The following VAC14 variants were observed in gnomAD, a reference collection of about 807,000 sequenced individuals.
VAC14 encodes the protein VAC14 component of PIKFYVE complex, also known as protein VAC14 homolog.
A neutral mutation model predicts 85.3 loss-of-function variants in VAC14; 47 were observed. The ratio of observed to expected loss-of-function variants is 0.55; its 90% CI spans 0.44 to 0.70. The LOEUF is 0.70. VAC14 is among the 30% of genes least tolerant of loss of function. The pLI is 0.00. For missense variants in VAC14, 861 were observed against 1,004.3 expected (o/e 0.86, Z 1.93); for synonymous variants, 447 against 430.5 (o/e 1.04, Z -0.47).
chr16:70,725,317 G>A (rs1015426601), intron 14 of VAC14, among the ~76,000 whole-genome samples: 3 of 152,220 alleles, frequency 2.0e-5, no homozygotes, highest in African/African-American at 4.8e-5. Context: ...TGGTGCAGAC[G>A]GCCGGTGGCC....
At chr16:70,733,681 C>T (rs2054662742) in intron 13 of VAC14, among the ~76,000 whole-genome samples, 3 of 151,934 alleles carry the variant, frequency 2.0e-5, no homozygotes, top group Admixed American at 2.0e-4. Context: ...GCCTGCTGCC[C>T]CTTTGCCTTC....
chr16:70,764,319 G>A (rs2032639816), intron 10 of VAC14, among the ~76,000 whole-genome samples: 1 of 152,224 alleles, frequency 6.6e-6, no homozygotes, highest in Non-Finnish European at 1.5e-5. Flanking sequence ...CAGCCACAGA[G>A]CCTGGAACTG....
Position 70,786,377 on chromosome 16 carries a change from GGA to G in VAC14, c.105-14_105-13del, listed in dbSNP as rs1352385896. The G allele has an allele frequency of 6.2e-7, 1 of 1,611,878 alleles. No homozygotes were observed. Among genetic ancestry groups the G allele is most frequent in the South Asian group, 1.1e-5 (1 of 91,020 alleles). ...ACTCCCGGACCAGCCTGGAGAGAGA[GGA>G]GAGAGGGGCTGTGGGAATCAGGCTA... On this transcript the variant is annotated splice_polypyrimidine_tract_variant and intron_variant, in intron 1 of 18. Coordinates refer to ENST00000261776, the MANE Select transcript of VAC14 (RefSeq NM_018052.5).
At position 70,768,869 on chromosome 16, in the gene VAC14, C is replaced by T. The variant is rs773470019; in HGVS notation, c.1160+3240G>A. On this transcript the variant is annotated intron_variant, in intron 10 of 18. Transcript: ENST00000261776. ...AGGCTAGAGTGCAGTGGCGCGATCTCGGCTCACTGAAACCTCCGCCTCCCA... is the reference window on the plus strand; with the variant it reads ...AGGCTAGAGTGCAGTGGCGCGATCTTGGCTCACTGAAACCTCCGCCTCCCA... 5.8e-5 allele frequency: 26 copies of T among 451,126 alleles called. 1 individual carries two copies. The highest frequency in any genetic ancestry group is 2.2e-4 in the South Asian group (14 of 64,232). 27.9% of individuals were successfully genotyped at this position (451,126 alleles called of 1,614,324 possible).
At chr16:70,780,433 G>A (rs1200989639) in intron 9 of VAC14, among the ~76,000 whole-genome samples, 1 of 151,976 alleles carries the variant, frequency 6.6e-6, no homozygotes, top group Non-Finnish European at 1.5e-5. Flanking sequence ...AAACCTTCCT[G>A]CCCTGAAAAC....
intron 14 of VAC14, among the ~76,000 whole-genome samples, chr16:70,710,788 T>G (rs2054017196): frequency 6.6e-6 from 1 of 152,242 alleles, no homozygotes; most frequent in Non-Finnish European, 1.5e-5. Context: ...CCAGTGTTCA[T>G]ATGGCCATAG....
intron 14 of VAC14, among the ~76,000 whole-genome samples, chr16:70,709,660 G>C (rs1233240893): frequency 6.6e-6 from 1 of 152,240 alleles, no homozygotes; most frequent in Admixed American, 6.5e-5. Flanking sequence ...ACCCAGCGGA[G>C]AAAGTCCACG....
intron 14 of VAC14, among the ~76,000 whole-genome samples, chr16:70,722,889 G>C (rs902565428): frequency 2.0e-5 from 3 of 152,068 alleles, no homozygotes; most frequent in Non-Finnish European, 4.4e-5. Context: ...AGACCAGCCT[G>C]GGCAACATAG....
chr16:70,745,394 T>C (rs1365731710), intron 12 of VAC14, among the ~76,000 whole-genome samples: 1 of 151,970 alleles, frequency 6.6e-6, no homozygotes, highest in African/African-American at 2.4e-5. Context: ...CACCAAGAGC[T>C]GGCAGGGCGG....
At position 70,784,099 on chromosome 16, in the gene VAC14, C is replaced by T. The variant is rs374543795; in HGVS notation, c.594+14G>A. On this transcript the variant is annotated intron_variant, in intron 5 of 18. Coordinates refer to ENST00000261776, the MANE Select transcript of VAC14 (RefSeq NM_018052.5). ...AACTGGAGGCTGGAGAAACGGTGTC[C>T]GGCCAGGCCTTACCCAGGAGATGAT... The T allele has an allele frequency of 7.9e-5, 127 of 1,610,204 alleles. No homozygotes were observed. Among genetic ancestry groups the T allele is most frequent in the Admixed American group, 8.3e-5 (5 of 59,982 alleles).
chr16:70,710,123 G>A (rs1162883395), intron 14 of VAC14, among the ~76,000 whole-genome samples: 1 of 152,240 alleles, frequency 6.6e-6, no homozygotes, highest in African/African-American at 2.4e-5. Flanking sequence ...GGGACAGGAA[G>A]GAACTGAAGC....
intron 12 of VAC14, among the ~76,000 whole-genome samples, chr16:70,750,868 C>T (rs866760272): frequency 5.9e-5 from 9 of 152,074 alleles, no homozygotes; most frequent in African/African-American, 1.7e-4. Context: ...CAGGGTGCCG[C>T]GGCAGCTCCT....
At chr16:70,798,962 T>C (rs928124317) in intron 1 of VAC14, among the ~76,000 whole-genome samples, 8 of 152,244 alleles carry the variant, frequency 5.3e-5, no homozygotes, top group African/African-American at 1.9e-4. Flanking sequence ...AAGGCACTGC[T>C]GAGTTTCTCT....
At chr16:70,726,302 G>GGCCGC (rs1241472993) in intron 14 of VAC14, among the ~76,000 whole-genome samples, 1 of 152,254 alleles carries the variant, frequency 6.6e-6, no homozygotes, top group Admixed American at 6.5e-5. Context: ...AGCCGGGCCG[G>GGCCGC]GCCGCTGGTG....
At chr16:70,711,519 C>T (rs560643571) in intron 14 of VAC14, among the ~76,000 whole-genome samples, 8 of 152,168 alleles carry the variant, frequency 5.3e-5, no homozygotes, top group African/African-American at 1.9e-4. Context: ...CTGCTGTGCA[C>T]AGCCCTGGCC....
chr16:70,791,322 T>A (rs1369438630), intron 1 of VAC14, among the ~76,000 whole-genome samples: 1 of 152,240 alleles, frequency 6.6e-6, no homozygotes, highest in Admixed American at 6.5e-5. Flanking sequence ...CCCAGCAACA[T>A]GTTGTCGAAT....
chr16:70,737,664 A>C (rs2054803465), intron 13 of VAC14, among the ~76,000 whole-genome samples: 1 of 152,138 alleles, frequency 6.6e-6, no homozygotes, highest in South Asian at 2.1e-4. Context: ...GCGGCCGGGG[A>C]GCCAGCCCTG....
At chr16:70,764,952 G>A (rs1009790746) in intron 10 of VAC14, among the ~76,000 whole-genome samples, 5 of 152,278 alleles carry the variant, frequency 3.3e-5, no homozygotes, top group South Asian at 2.1e-4. Context: ...GTCCTGCAGA[G>A]CTCCTTCCCT....
chr16:70,708,103 C>T (rs926199284), intron 14 of VAC14, among the ~76,000 whole-genome samples: 1 of 152,104 alleles, frequency 6.6e-6, no homozygotes, highest in Non-Finnish European at 1.5e-5. Context: ...CCTTATTTTC[C>T]ATGTGTCTTT....
Sources: allele counts gnomAD v4.1 joint callset (sites outside exome capture counted in the v4.1 genomes callset), GRCh38; gene constraint gnomAD v4.1.1; transcripts MANE v1.5; gene names NCBI Gene and HGNC (gene_info 2026-07-23, HGNC 2026-07-21).